PLEKHM3: variants seen among roughly 807,000 people sequenced by gnomAD.
PLEKHM3 encodes pleckstrin homology domain containing M3.
In PLEKHM3, 45 loss-of-function variants were observed where a neutral mutation model predicts 81.8. That is an observed-to-expected ratio of 0.55 (90% CI 0.43 to 0.71). PLEKHM3 has a LOEUF of 0.71. Among genes scored for constraint, PLEKHM3 ranks in the 30% least tolerant of loss-of-function variants. The pLI is 0.00. For missense variants in PLEKHM3, 788 were observed against 924.3 expected (o/e 0.85, Z 1.91); for synonymous variants, 352 against 356.4 (o/e 0.99, Z 0.14).
intron 2 of PLEKHM3, among the ~76,000 whole-genome samples, chr2:207,993,385 T>C (rs1574475520): frequency 6.6e-6 from 1 of 152,294 alleles, no homozygotes; most frequent in East Asian, 1.9e-4. Context: ...GACCATGTCC[T>C]GGTGACCTCA....
intron 2 of PLEKHM3, among the ~76,000 whole-genome samples, chr2:207,984,151 T>C (rs1234967570): frequency 1.3e-5 from 2 of 152,222 alleles, no homozygotes; most frequent in Non-Finnish European, 2.9e-5. Flanking sequence ...TTTCTGCCAT[T>C]CTTCTTTCAT....
rs143750339 is a variant in PLEKHM3 at position 207,917,324 on chromosome 2, G to C, written c.1887-8747C>G. Among the ~76,000 whole-genome samples, 857 of 152,330 alleles carry C rather than the reference G, an allele frequency of 5.6e-3. 10 individuals carry two copies. Among genetic ancestry groups the C allele is most frequent in the Middle Eastern group, 0.031 (9 of 294 alleles). ...GAACATAAAGAGTTGTTTTCACTTA[G>C]TGAGCTTAAAGAAGTGTTATCCACA... On this transcript the variant is annotated intron_variant, in intron 5 of 7. Coordinates refer to ENST00000427836, the MANE Select transcript of PLEKHM3 (RefSeq NM_001080475.3).
Position 207,865,801 on chromosome 2 carries a change from A to AATATAT in PLEKHM3, c.1951-4540_1951-4539insATATAT. On this transcript the variant is annotated intron_variant, in intron 6 of 7. Transcript: ENST00000427836. ...CGACTCAAAAAAAAAAAAAAAAAAA[A>AATATAT]AGATATATATATATATATATATATA... Among the ~76,000 whole-genome samples the AATATAT allele has an allele frequency of 6.7e-4, 17 of 25,290 alleles. 2 individuals are homozygous for AATATAT. Among genetic ancestry groups the AATATAT allele is most frequent in the East Asian group, 3.3e-3 (3 of 902 alleles). The allele number at this position is 25,290 out of a possible 152,430, so 16.6% of individuals were successfully genotyped here.
chr2:207,892,654 C>G (rs368135469), intron 6 of PLEKHM3, among the ~76,000 whole-genome samples: 14 of 152,262 alleles, frequency 9.2e-5, no homozygotes, highest in African/African-American at 3.4e-4. Flanking sequence ...CAACTTCTCT[C>G]GCCACCCCTT....
intron 6 of PLEKHM3, among the ~76,000 whole-genome samples, chr2:207,882,849 C>T (rs185199709): frequency 4.0e-4 from 61 of 151,658 alleles, no homozygotes; most frequent in Non-Finnish European, 5.3e-4. Context: ...TTTTTTTTCC[C>T]GAGATTCTCG....
At chr2:207,928,104 T>C (rs1458612846) in intron 5 of PLEKHM3, among the ~76,000 whole-genome samples, 1 of 152,168 alleles carries the variant, frequency 6.6e-6, no homozygotes, top group African/African-American at 2.4e-5. Context: ...GCCTCAGGTT[T>C]GAGAGAAATG....
rs2092257034 is a variant in PLEKHM3, at chr2:207,827,364, A to G, written c.*955T>C. Reference sequence around the variant, plus strand: ...GAAACTAAAACGACCCTCTTTGGGAATATACTTACTAGATAGCCTTATCTA... The same window carrying G: ...GAAACTAAAACGACCCTCTTTGGGAGTATACTTACTAGATAGCCTTATCTA... On this transcript the variant is annotated 3_prime_UTR_variant, in exon 8 of 8. Transcript: ENST00000427836. 1 of 152,096 alleles carries G rather than the reference A, an allele frequency of 6.6e-6. No homozygotes were observed. Among genetic ancestry groups the G allele is most frequent in the African/African-American group, 2.4e-5 (1 of 41,424 alleles). 9.4% of individuals were successfully genotyped at this position (152,096 alleles called of 1,614,324 possible).
intron 3 of PLEKHM3, among the ~76,000 whole-genome samples, chr2:207,971,917 C>G (rs568765343): frequency 6.6e-6 from 1 of 152,302 alleles, no homozygotes; most frequent in Admixed American, 6.5e-5. Flanking sequence ...ACTGTCTTTA[C>G]TTTTATAGGT....
At chr2:207,850,021 C>T (rs2092404167) in intron 7 of PLEKHM3, among the ~76,000 whole-genome samples, 2 of 152,098 alleles carry the variant, frequency 1.3e-5, no homozygotes, top group Admixed American at 6.5e-5. Context: ...CCTCGAGCTG[C>T]GTCACAAATG....
intron 4 of PLEKHM3, among the ~76,000 whole-genome samples, chr2:207,940,395 T>C (rs889612364): frequency 1.3e-5 from 2 of 152,222 alleles, no homozygotes; most frequent in Non-Finnish European, 2.9e-5. Flanking sequence ...TCATGACACA[T>C]GCATTAACCC....
intron 2 of PLEKHM3, among the ~76,000 whole-genome samples, chr2:207,994,646 A>G (rs1692010443): frequency 6.6e-6 from 1 of 152,210 alleles, no homozygotes; most frequent in South Asian, 2.1e-4. Context: ...AAGGAGAGGC[A>G]CTGATCCTGA....
At chr2:207,874,822 C>G (rs965029450) in intron 6 of PLEKHM3, among the ~76,000 whole-genome samples, 1 of 151,862 alleles carries the variant, frequency 6.6e-6, no homozygotes, top group Non-Finnish European at 1.5e-5. Context: ...GAACTCCTGA[C>G]CTCATGATCC....
At chr2:207,980,975 A>G (rs549958323) in intron 2 of PLEKHM3, among the ~76,000 whole-genome samples, 1 of 152,116 alleles carries the variant, frequency 6.6e-6, no homozygotes, top group East Asian at 1.9e-4. Context: ...TAAAAATACA[A>G]AAATTAGTCG....
At chr2:207,961,529 T>C (rs1003079106) in intron 3 of PLEKHM3, among the ~76,000 whole-genome samples, 2 of 152,230 alleles carry the variant, frequency 1.3e-5, no homozygotes, top group African/African-American at 4.8e-5. Flanking sequence ...TACGACATTT[T>C]TTTTCAGTTA....
chr2:207,858,180 A>ATATATATATT (rs751293954), intron 7 of PLEKHM3, among the ~76,000 whole-genome samples: 4 of 103,850 alleles, frequency 3.9e-5, no homozygotes, highest in African/African-American at 1.5e-4. Flanking sequence ...GTGTGTATAT[A>ATATATATATT]TTTTTTTTTT....
intron 7 of PLEKHM3, among the ~76,000 whole-genome samples, chr2:207,842,740 C>T (rs1192619631): frequency 3.9e-5 from 6 of 152,106 alleles, no homozygotes; most frequent in Admixed American, 1.3e-4. Flanking sequence ...AGTTCTGCTG[C>T]GTACACAAGC....
In PLEKHM3 at chr2:207,828,148, C is replaced by T. The variant is rs2092262994; in HGVS notation, c.*171G>A. On this transcript the variant is annotated 3_prime_UTR_variant, in exon 8 of 8. Transcript: ENST00000427836. ...TGGACAATGATGTACACAGAGCATACGTACAGGACGTATAGGTATTTGCGT... is the reference window on the plus strand; with the variant it reads ...TGGACAATGATGTACACAGAGCATATGTACAGGACGTATAGGTATTTGCGT... The T allele has an allele frequency of 4.5e-6, 2 of 443,772 alleles. No individual in the cohort carries two copies. Among genetic ancestry groups the T allele is most frequent in the African/African-American group, 2.0e-5 (1 of 49,290 alleles). 27.5% of individuals were successfully genotyped at this position (443,772 alleles called of 1,614,324 possible).
At chr2:207,982,641 C>T (rs1472524883) in intron 2 of PLEKHM3, among the ~76,000 whole-genome samples, 1 of 150,370 alleles carries the variant, frequency 6.7e-6, no homozygotes, top group Non-Finnish European at 1.5e-5. Flanking sequence ...TGTAATGGCA[C>T]GATCTTGGCT....
intron 6 of PLEKHM3, among the ~76,000 whole-genome samples, chr2:207,867,519 G>A (rs2105823149): frequency 6.6e-6 from 1 of 152,188 alleles, no homozygotes; most frequent in East Asian, 1.9e-4. Context: ...AGAAGCACTA[G>A]GAACAGAATC....
Sources: gnomAD v4.1 joint callset for allele counts (sites outside exome capture counted in the v4.1 genomes callset) on GRCh38, gnomAD v4.1.1 for gene constraint, MANE v1.5 for transcripts, NCBI Gene and HGNC (gene_info 2026-07-23, HGNC 2026-07-21) for gene names.